The following GUF1 variants were observed in gnomAD, a reference collection of about 807,000 sequenced individuals.
The protein encoded by GUF1 is GTP binding elongation factor GUF1.
Under a neutral mutation model 82.4 loss-of-function variants are expected in GUF1, and 78 were observed. The observed-to-expected ratio is 0.95, with a 90% CI of 0.79 to 1.14. The LOEUF (loss-of-function observed/expected upper bound fraction) is 1.14, where lower values mean the gene tolerates loss of function less well. GUF1 is among the 50% of genes most tolerant of loss of function. GUF1 has a pLI of 0.00. For missense variants in GUF1, 814 were observed against 798.2 expected, an observed-to-expected ratio of 1.02 and a Z score of -0.24; for synonymous variants, 279 against 282.3, an observed-to-expected ratio of 0.99 and a Z score of 0.12.
rs1021269681 is a variant in GUF1, at chr4:44,699,872, C to G, written c.*1191C>G. 4.6e-5 allele frequency: 7 copies of G among 152,182 alleles called. No individual in the cohort carries two copies. The highest frequency in any genetic ancestry group is 5.9e-5 in the Non-Finnish European group (4 of 68,042). The allele number at this position is 152,182 out of a possible 1,614,324, so 9.4% of individuals were successfully genotyped here. A position where few individuals can be genotyped will look rare whatever the true frequency, so the allele number is the denominator to read the frequency against. Reference sequence around the variant, plus strand: ...GACAGGTGTTTGGTATTACCAGGAACTCATAATGACATTTTAATAATTATT... The same window carrying G: ...GACAGGTGTTTGGTATTACCAGGAAGTCATAATGACATTTTAATAATTATT... On this transcript the variant is annotated 3_prime_UTR_variant, in exon 17 of 17. Coordinates refer to ENST00000281543, the MANE Select transcript of GUF1 (RefSeq NM_021927.3).
intron 6 of GUF1, among the ~76,000 whole-genome samples, chr4:44,685,353 A>C (rs1467793226): frequency 6.6e-6 from 1 of 152,108 alleles, no homozygotes; most frequent in Non-Finnish European, 1.5e-5. Flanking sequence ...TCTGGCCCAA[A>C]ATGTCAGTAG....
intron 10 of GUF1, 34 bp from the exon 11 acceptor site, chr4:44,689,809 T>C: frequency 1.9e-6 from 3 of 1,563,028 alleles, no homozygotes; most frequent in African/African-American, 1.4e-5. Context: ...CCATGGGACA[T>C]AAACATTTTG....
At chr4:44,688,278 T>C (rs1715192186) in intron 9 of GUF1, 132 bp downstream of exon 9, 1 of 880,978 alleles carries the variant, frequency 1.1e-6, no homozygotes, top group Non-Finnish European at 1.8e-6. Flanking sequence ...TTGTTTCACT[T>C]TGTGCTGTTT....
chr4:44,691,677 A>T lies in GUF1; in HGVS notation c.1491A>T (p.Ala497=). The change falls in exon 13 of 17, where the codon GCA becomes GCT. Residue 497 remains alanine, a synonymous_variant. Transcript: ENST00000281543. ...KIMMLCEARR[A]VQKNMIFIDQ... is the part of the protein sequence containing the mutation. ...CCTTCCCTTTTTAGGCTCGAAGAGC[A>T]GTTCAGAAGAATATGATATTTATTG... 6.3e-7 allele frequency: 1 copy of T among 1,587,622 alleles called. No homozygotes were observed. The highest frequency in any genetic ancestry group is 2.3e-5 in the East Asian group (1 of 43,924).
chr4:44,697,976 G>T (rs368479551), intron 16 of GUF1, among the ~76,000 whole-genome samples: 12 of 151,928 alleles, frequency 7.9e-5, no homozygotes, highest in African/African-American at 2.7e-4. Context: ...TGAAACCGCA[G>T]CTTTACTGAA....
chr4:44,692,600 T>A (rs1189494868), intron 13 of GUF1, among the ~76,000 whole-genome samples: 3 of 151,960 alleles, frequency 2.0e-5, no homozygotes, highest in South Asian at 4.1e-4. Flanking sequence ...AGAGACAAAT[T>A]CCAGTGTTTA....
Position 44,686,568 on chromosome 4 carries a change from C to T in GUF1, c.793C>T (p.Gln265Ter), listed in dbSNP as rs757648697. The change falls in exon 8 of 17, where the codon CAG becomes TAG. Residue 265 changes from glutamine (Q) to a stop codon, truncating the protein, a stop_gained. Coordinates refer to ENST00000281543, the MANE Select transcript of GUF1 (RefSeq NM_021927.3). LOFTEE classifies it high-confidence loss of function. ...RALVFDSTFD[Q>*]YRGVIANVAL... ...TTTGGTATTTGACTCCACCTTTGAC[C>T]AGTATAGAGGTGTGATAGCCAATGT... The T allele has an allele frequency of 1.2e-6, 2 of 1,611,950 alleles. No homozygotes were observed. Among genetic ancestry groups the T allele is most frequent in the African/African-American group, 1.3e-5 (1 of 74,764 alleles).
In GUF1 at chr4:44,690,047, A is replaced by C. The variant is rs16857362; in HGVS notation, c.1335+72A>C. 4.1e-3 allele frequency: 4,776 copies of C among 1,177,056 alleles called. 116 individuals are homozygous for C. The African/African-American group carries it at 0.057, about 14-fold the overall frequency. 72.9% of individuals were successfully genotyped at this position (1,177,056 alleles called of 1,614,324 possible). On this transcript the variant is annotated intron_variant, in intron 11 of 16. Coordinates refer to ENST00000281543, the MANE Select transcript of GUF1 (RefSeq NM_021927.3). The stretch of plus-strand genomic sequence containing the variant: ...TCTTGGAAAAAATAAATGTGTGTAT[A>C]TACAATGCAGGAGAAGCTTTTTACT...
chr4:44,689,623 T>C (rs1321163793), intron 10 of GUF1, among the ~76,000 whole-genome samples: 1 of 151,804 alleles, frequency 6.6e-6, no homozygotes, highest in Non-Finnish European at 1.5e-5. Context: ...ACGTTGCGGA[T>C]TGACATTTTA....
chr4:44,678,729 T>C lies in GUF1; in HGVS notation c.107T>C (p.Leu36Pro), dbSNP rs777395722. The change falls in exon 1 of 17, where the codon CTT (leucine) becomes CCT (proline). Residue 36 changes from leucine to proline, a missense_variant. Transcript: ENST00000281543. Reference protein sequence around the residue: ...VAPGPRSAPTLGAAPESWATD... With the variant: ...VAPGPRSAPTPGAAPESWATD... ...CCGGGGCCCCGGTCCGCGCCGACCC[T>C]TGGGGCTGCTCCAGAGTCCTGGGCT... 6.5e-7 allele frequency: 1 copy of C among 1,529,346 alleles called. No homozygotes were observed. The highest frequency in any genetic ancestry group is 8.7e-7 in the Non-Finnish European group (1 of 1,149,570). 94.7% of individuals were successfully genotyped at this position (1,529,346 alleles called of 1,614,324 possible).
At chr4:44,691,880 T>G in intron 13 of GUF1, 81 bp downstream of exon 13, 1 of 970,666 alleles carries the variant, frequency 1.0e-6, no homozygotes, top group South Asian at 1.7e-5. Flanking sequence ...ATTCTTCATT[T>G]ATTTAGTAAT....
In GUF1 at chr4:44,686,043, T is replaced by A. The variant is rs1330629296; in HGVS notation, c.734+20T>A. ...CCCCCCGTGAGTATTTGGTGATTTT[T>A]GTACTAGTTGTCTCTATTTAATAGT... On this transcript the variant is annotated intron_variant, in intron 7 of 16. Transcript: ENST00000281543. 1 of 1,510,194 alleles carries A rather than the reference T, an allele frequency of 6.6e-7. No individual in the cohort carries two copies. The highest frequency in any genetic ancestry group is 1.7e-5 in the Admixed American group (1 of 59,718). The allele number at this position is 1,510,194 out of a possible 1,614,324, so 93.5% of individuals were successfully genotyped here.
intron 1 of GUF1, among the ~76,000 whole-genome samples, chr4:44,679,925 G>A (rs939221244): frequency 6.6e-6 from 1 of 152,130 alleles, no homozygotes; most frequent in Non-Finnish European, 1.5e-5. Flanking sequence ...TTTGTTGGAT[G>A]TCATCTTTTT....
chr4:44,684,089 A>G (rs1714918120), intron 6 of GUF1, among the ~76,000 whole-genome samples: 1 of 152,014 alleles, frequency 6.6e-6, no homozygotes, highest in Non-Finnish European at 1.5e-5. Flanking sequence ...GACAGACAAG[A>G]CCCCTTCCTT....
In GUF1 at chr4:44,678,450, G is replaced by T; in HGVS notation, c.-173G>T. 1 of 522,924 alleles carries T rather than the reference G, an allele frequency of 1.9e-6. No homozygotes were observed. Among genetic ancestry groups the T allele is most frequent in the Non-Finnish European group, 3.1e-6 (1 of 321,178 alleles). 32.4% of individuals were successfully genotyped at this position (522,924 alleles called of 1,614,324 possible). A position where few individuals can be genotyped will look rare whatever the true frequency, so the allele number is the denominator to read the frequency against. On this transcript the variant is annotated 5_prime_UTR_variant, in exon 1 of 17. Coordinates refer to ENST00000281543, the MANE Select transcript of GUF1 (RefSeq NM_021927.3). Reference sequence around the variant, plus strand: ...TCGGCAAGCTGCGCCGCCGCTTCGGGTTGCTTCCGGATCTGGTACTTGGGC... The same window carrying T: ...TCGGCAAGCTGCGCCGCCGCTTCGGTTTGCTTCCGGATCTGGTACTTGGGC...
chr4:44,688,251 C>A (rs1715190297), intron 9 of GUF1, 105 bp downstream of exon 9: 3 of 1,076,670 alleles, frequency 2.8e-6, no homozygotes, highest in Admixed American at 2.4e-5. Flanking sequence ...TTTTAAATAA[C>A]CACTAATTCC....
chr4:44,698,878 A>C lies in GUF1; in HGVS notation c.*197A>C. The C allele has an allele frequency of 1.9e-6, 1 of 528,144 alleles. No individual in the cohort carries two copies. Among genetic ancestry groups the C allele is most frequent in the Non-Finnish European group, 3.3e-6 (1 of 298,784 alleles). The allele number at this position is 528,144 out of a possible 1,614,324, so 32.7% of individuals were successfully genotyped here. A position where few individuals can be genotyped will look rare whatever the true frequency, so the allele number is the denominator to read the frequency against. On this transcript the variant is annotated 3_prime_UTR_variant, in exon 17 of 17. Transcript: ENST00000281543. ...TTGCCTGTTCTCAAATATCTGTTCC[A>C]ACCACTCACTAGTAAGGTGACCGTG...
intron 1 of GUF1, 41 bp from the exon 2 acceptor site, chr4:44,680,400 G>A: frequency 3.4e-6 from 3 of 891,254 alleles, no homozygotes; most frequent in Non-Finnish European, 5.4e-6. Context: ...TTGATAGTAT[G>A]CCAAATTTAT....
At chr4:44,686,871 G>A (rs186309289) in intron 8 of GUF1, among the ~76,000 whole-genome samples, 158 bp downstream of exon 8, 3 of 151,958 alleles carry the variant, frequency 2.0e-5, no homozygotes, top group Admixed American at 1.3e-4. Context: ...GGAATCTCAT[G>A]GGAAGGACAA....
Sources: gnomAD v4.1 joint callset for allele counts (sites outside exome capture counted in the v4.1 genomes callset) on GRCh38, gnomAD v4.1.1 for gene constraint, MANE v1.5 for transcripts, NCBI Gene and HGNC (gene_info 2026-07-23, HGNC 2026-07-21) for gene names.